MGAT4C: variants seen among roughly 807,000 people sequenced by gnomAD.
MGAT4C encodes alpha-1,3-mannosyl-glycoprotein 4-beta-N-acetylglucosaminyltransferase C.
MGAT4C carries 19 observed loss-of-function variants against 40.1 expected under a neutral mutation model. The ratio of observed to expected loss-of-function variants is 0.47; its 90% confidence interval spans 0.33 to 0.70. MGAT4C has a LOEUF of 0.70. Ranked by LOEUF, MGAT4C falls within the 30% of genes least tolerant of loss-of-function variation. The pLI is 0.02. For synonymous variants in MGAT4C, 181 were observed against 187.1 expected, an observed-to-expected ratio of 0.97 and a Z score of 0.27; for missense variants, 491 against 563.2, an observed-to-expected ratio of 0.87 and a Z score of 1.30.
chr12:86,720,369 A>G (rs533489119), intron 2 of MGAT4C, among the ~76,000 whole-genome samples: 39 of 152,288 alleles, frequency 2.6e-4, no homozygotes, highest in African/African-American at 8.9e-4. Flanking sequence ...AGACAGTCCT[A>G]CAAAGCCCTC....
At chr12:86,176,587 GTCAA>G (rs1162550939) in intron 1 of MGAT4C, among the ~76,000 whole-genome samples, 1 of 151,774 alleles carries the variant, frequency 6.6e-6, no homozygotes, top group East Asian at 1.9e-4. Flanking sequence ...ATATGTACAT[GTCAA>G]TCACTGGAAG....
At chr12:86,141,988 A>T (rs958026028) in intron 1 of MGAT4C, among the ~76,000 whole-genome samples, 1 of 151,988 alleles carries the variant, frequency 6.6e-6, no homozygotes, top group African/African-American at 2.4e-5. Flanking sequence ...CTTACAGGGG[A>T]GTGGTCTTAT....
intron 2 of MGAT4C, among the ~76,000 whole-genome samples, chr12:86,655,181 C>T (rs10858457): frequency 0.31 from 47,061 of 151,766 alleles, 9,042 homozygotes; most frequent in Admixed American, 0.45. Context: ...GTTGTCCCTC[C>T]CCCTGTCCCC....
At chr12:86,367,731 A>C (rs1014540954) in intron 3 of MGAT4C, among the ~76,000 whole-genome samples, 1 of 152,118 alleles carries the variant, frequency 6.6e-6, no homozygotes, top group Admixed American at 6.6e-5. Flanking sequence ...TCCTGGAGGC[A>C]GAGCTTGCAG....
At chr12:86,753,302 G>A (rs1951252751) in intron 1 of MGAT4C, among the ~76,000 whole-genome samples, 1 of 152,152 alleles carries the variant, frequency 6.6e-6, no homozygotes, top group Admixed American at 6.6e-5. Flanking sequence ...ACAAAGAAAA[G>A]CCTGAGCAAT....
In MGAT4C at chr12:86,661,950, A is replaced by G. The variant is rs191623027; in HGVS notation, c.-229+65259T>C. Reference sequence around the variant, plus strand: ...AGACTCCATCTAAAAAAATCTTAATAATAAATAAACCAAAAACAGAAGCAG... The same window carrying G: ...AGACTCCATCTAAAAAAATCTTAATGATAAATAAACCAAAAACAGAAGCAG... On this transcript the variant is annotated intron_variant, in intron 2 of 7. Coordinates refer to the MGAT4C transcript ENST00000548651. 5.5e-4 allele frequency among the ~76,000 whole-genome samples: 84 copies of G among 152,242 alleles called. 1 individual carries two copies. The highest frequency in any genetic ancestry group is 3.1e-4 in the Non-Finnish European group (21 of 68,018).
At chr12:86,069,035 C>A (rs1055514818) in intron 1 of MGAT4C, among the ~76,000 whole-genome samples, 1 of 152,102 alleles carries the variant, frequency 6.6e-6, no homozygotes, top group African/African-American at 2.4e-5. Flanking sequence ...ACTGGTTTGT[C>A]CTCATTTCTG....
intron 1 of MGAT4C, among the ~76,000 whole-genome samples, chr12:86,100,680 A>C: frequency 6.6e-6 from 1 of 151,488 alleles, no homozygotes; most frequent in East Asian, 1.9e-4. Flanking sequence ...ATACATTTAA[A>C]ATTTTTATGT....
At chr12:86,722,515 T>G (rs1414930272) in intron 2 of MGAT4C, among the ~76,000 whole-genome samples, 1 of 152,174 alleles carries the variant, frequency 6.6e-6, no homozygotes, top group Non-Finnish European at 1.5e-5. Context: ...TCTTAATACA[T>G]TTTGTGAACA....
chr12:86,596,207 A>G (rs1961532464), intron 2 of MGAT4C, among the ~76,000 whole-genome samples: 2 of 152,012 alleles, frequency 1.3e-5, no homozygotes, highest in Non-Finnish European at 2.9e-5. Flanking sequence ...ATTAAAATAA[A>G]TAAATAAATA....
At chr12:86,610,583 TTTTG>T (rs1207724271) in intron 2 of MGAT4C, among the ~76,000 whole-genome samples, 3 of 152,044 alleles carry the variant, frequency 2.0e-5, no homozygotes, top group Admixed American at 6.5e-5. Flanking sequence ...TTTTCTTTCT[TTTTG>T]TTTATTATTA....
intron 3 of MGAT4C, among the ~76,000 whole-genome samples, chr12:86,344,292 T>C (rs567732370): frequency 2.1e-3 from 326 of 152,308 alleles, no homozygotes; most frequent in African/African-American, 6.8e-3. Context: ...AAATCATTTT[T>C]ATATTTGTGC....
Position 85,973,801 on chromosome 12 carries a change from C to A in MGAT4C, c.*5488G>T, listed in dbSNP as rs910183684. ...ATGAAAGCTGAAACAACAGTCAAATCAAAAACTGCTTTGGTCTCAAATCCA... is the reference window on the plus strand; with the variant it reads ...ATGAAAGCTGAAACAACAGTCAAATAAAAAACTGCTTTGGTCTCAAATCCA... On this transcript the variant is annotated 3_prime_UTR_variant, in exon 5 of 5. Coordinates refer to ENST00000611864, the MANE Select transcript of MGAT4C (RefSeq NM_001351288.2). The A allele has an allele frequency of 6.6e-6, 1 of 150,822 alleles. No individual in the cohort carries two copies. The highest frequency in any genetic ancestry group is 2.4e-5 in the African/African-American group (1 of 41,312). The allele number at this position is 150,822 out of a possible 1,614,324, so 9.3% of individuals were successfully genotyped here.
At chr12:85,986,708 C>A (rs138393505) in intron 3 of MGAT4C, among the ~76,000 whole-genome samples, 32 of 151,932 alleles carry the variant, frequency 2.1e-4, no homozygotes, top group East Asian at 9.7e-4. Context: ...AATATCTGTG[C>A]GTAGCAAATT....
chr12:86,335,345 C>G (rs1048233027), intron 3 of MGAT4C, among the ~76,000 whole-genome samples: 1 of 152,072 alleles, frequency 6.6e-6, no homozygotes, highest in African/African-American at 2.4e-5. Flanking sequence ...CCAGTAAAGT[C>G]TTTCTCTAGG....
chr12:86,597,186 G>A (rs972284124), intron 2 of MGAT4C, among the ~76,000 whole-genome samples: 1 of 152,142 alleles, frequency 6.6e-6, no homozygotes, highest in African/African-American at 2.4e-5. Flanking sequence ...ACCAGGAACT[G>A]GTAAATACTT....
chr12:86,228,072 C>A (rs1951166828), intron 1 of MGAT4C, among the ~76,000 whole-genome samples: 1 of 151,734 alleles, frequency 6.6e-6, no homozygotes, highest in African/African-American at 2.4e-5. Flanking sequence ...CTACATTATG[C>A]ATCAAGTACC....
chr12:85,993,155 T>C (rs562862818), intron 2 of MGAT4C, among the ~76,000 whole-genome samples: 20 of 152,298 alleles, frequency 1.3e-4, no homozygotes, highest in African/African-American at 4.8e-4. Context: ...TATAGAGGCT[T>C]TCTAGAACTT....
intron 3 of MGAT4C, among the ~76,000 whole-genome samples, chr12:86,383,350 G>A (rs1035354803): frequency 5.3e-5 from 8 of 151,828 alleles, no homozygotes; most frequent in South Asian, 2.1e-4. Flanking sequence ...TCAAGAGATC[G>A]AGACCATCCT....
Sources: gnomAD v4.1 joint callset for allele counts (sites outside exome capture counted in the v4.1 genomes callset) on GRCh38, gnomAD v4.1.1 for gene constraint, MANE v1.5 for transcripts, NCBI Gene and HGNC (gene_info 2026-07-23, HGNC 2026-07-21) for gene names.